SLC44A5: variants seen among roughly 807,000 people sequenced by gnomAD.
SLC44A5 encodes choline transporter-like protein 5.
SLC44A5 carries 57 observed loss-of-function variants against 101.8 expected under a neutral mutation model. That is an observed-to-expected ratio of 0.56 (90% CI 0.45 to 0.70). The LOEUF is 0.70. SLC44A5 is among the 30% of genes least tolerant of loss of function. The pLI is 0.00. For missense variants in SLC44A5, 737 were observed against 853.1 expected (o/e 0.86, Z 1.70); for synonymous variants, 281 against 290.9 (o/e 0.97, Z 0.35).
chr1:75,405,012 C>A (rs978979317), intron 2 of SLC44A5, among the ~76,000 whole-genome samples: 1 of 152,164 alleles, frequency 6.6e-6, no homozygotes, highest in Non-Finnish European at 1.5e-5. Flanking sequence ...ATTTATGAAG[C>A]AAATGGAAAG....
At chr1:75,629,365 C>T in the SLC44A5 span, among the ~76,000 whole-genome samples, 1 of 152,090 alleles carries the variant, frequency 6.6e-6, no homozygotes, top group East Asian at 1.9e-4. Context: ...TTCTTTAAAG[C>T]AAACAAAGAA....
the SLC44A5 span, among the ~76,000 whole-genome samples, chr1:75,717,040 A>G: frequency 6.6e-6 from 1 of 152,100 alleles, no homozygotes; most frequent in African/African-American, 2.4e-5. Context: ...TCTCCAAAAA[A>G]AAATAAAATA....
chr1:75,337,475 T>C (rs755288696), intron 4 of SLC44A5, among the ~76,000 whole-genome samples: 3 of 152,224 alleles, frequency 2.0e-5, no homozygotes, highest in Non-Finnish European at 4.4e-5. Context: ...TTTCATTTCT[T>C]AGTTTTCTAT....
intron 2 of SLC44A5, among the ~76,000 whole-genome samples, chr1:75,499,335 G>T (rs1014061769): frequency 6.6e-6 from 1 of 152,148 alleles, no homozygotes; most frequent in South Asian, 2.1e-4. Context: ...TAGATCCCTC[G>T]CACGTGCAGT....
At chr1:75,271,304 A>T (rs1206940032) in intron 6 of SLC44A5, among the ~76,000 whole-genome samples, 2 of 152,020 alleles carry the variant, frequency 1.3e-5, no homozygotes, top group East Asian at 1.9e-4. Flanking sequence ...ATTTTTAAAA[A>T]TGTTAATAGT....
chr1:75,658,842 T>A, the SLC44A5 span, among the ~76,000 whole-genome samples: 1 of 152,016 alleles, frequency 6.6e-6, no homozygotes, highest in Non-Finnish European at 1.5e-5. Context: ...GAAAATTTGG[T>A]TTTCTGAAAA....
At chr1:75,224,565 T>C (rs933834454) in intron 13 of SLC44A5, among the ~76,000 whole-genome samples, 1 of 150,508 alleles carries the variant, frequency 6.6e-6, no homozygotes, top group Non-Finnish European at 1.5e-5. Flanking sequence ...GGATAATGTA[T>C]GTATTTGTGT....
chr1:75,652,785 C>T, the SLC44A5 span, among the ~76,000 whole-genome samples: 2 of 152,126 alleles, frequency 1.3e-5, no homozygotes, highest in African/African-American at 4.8e-5. Flanking sequence ...CACAGTGAGA[C>T]CCTGTCTCTC....
chr1:75,272,332 T>G (rs1363026341), intron 6 of SLC44A5, among the ~76,000 whole-genome samples: 1 of 143,226 alleles, frequency 7.0e-6, no homozygotes, highest in Admixed American at 7.0e-5. Context: ...CCCATTTCTT[T>G]TTTTTTTTTT....
At chr1:75,543,020 T>C (rs1469033813) in intron 1 of SLC44A5, among the ~76,000 whole-genome samples, 4 of 152,150 alleles carry the variant, frequency 2.6e-5, no homozygotes, top group Non-Finnish European at 4.4e-5. Context: ...ATTATTCAAG[T>C]TTGACAATTA....
chr1:75,702,867 C>G, the SLC44A5 span, among the ~76,000 whole-genome samples: 1 of 152,186 alleles, frequency 6.6e-6, no homozygotes, highest in Non-Finnish European at 1.5e-5. Context: ...ACAGACACCT[C>G]TCAAAAGAAG....
In SLC44A5 at chr1:75,559,700, A is replaced by C. The variant is rs149705899; in HGVS notation, c.-69-18184T>G. Reference sequence around the variant, plus strand: ...ACTATATAACTTGGACTTCACTAAAAATTTTTAAATTTTGTGCTCCAAATG... The same window carrying C: ...ACTATATAACTTGGACTTCACTAAACATTTTTAAATTTTGTGCTCCAAATG... On this transcript the variant is annotated intron_variant, in intron 1 of 23. Transcript: ENST00000370859. 2.4e-3 allele frequency among the ~76,000 whole-genome samples: 361 copies of C among 152,270 alleles called. 3 individuals carry two copies. The highest frequency in any genetic ancestry group is 7.9e-3 in the African/African-American group (327 of 41,564).
At chr1:75,682,144 A>T in the SLC44A5 span, among the ~76,000 whole-genome samples, 2 of 152,242 alleles carry the variant, frequency 1.3e-5, no homozygotes, top group Non-Finnish European at 2.9e-5. Flanking sequence ...GCTCATGGGT[A>T]GGAAGAATCA....
At position 75,256,952 on chromosome 1, in the gene SLC44A5, T is replaced by C. The variant is rs1361723861; in HGVS notation, c.261-5658A>G. Among the ~76,000 whole-genome samples, 7 of 152,144 alleles carry C rather than the reference T, an allele frequency of 4.6e-5. No homozygotes were observed. The East Asian group carries it at 1.3e-3, about 29-fold the overall frequency. On this transcript the variant is annotated intron_variant, in intron 6 of 23. Coordinates refer to ENST00000370859, the MANE Select transcript of SLC44A5 (RefSeq NM_001130058.2). ...CATAGCAGACTGTCAGTGGATATTATCTAAACTTAATAAGCACAAAATAAA... is the reference window on the plus strand; with the variant it reads ...CATAGCAGACTGTCAGTGGATATTACCTAAACTTAATAAGCACAAAATAAA...
At chr1:75,384,095 C>A (rs1661117150) in intron 3 of SLC44A5, among the ~76,000 whole-genome samples, 1 of 151,822 alleles carries the variant, frequency 6.6e-6, no homozygotes, top group South Asian at 2.1e-4. Context: ...CCAGCCGCTG[C>A]AAAATCATGC....
At chr1:75,687,330 G>GTC in the SLC44A5 span, among the ~76,000 whole-genome samples, 1 of 152,040 alleles carries the variant, frequency 6.6e-6, no homozygotes, top group Admixed American at 6.5e-5. Context: ...TTCATACAGA[G>GTC]TCTCACTCTG....
At chr1:75,400,830 C>T (rs973243173) in intron 2 of SLC44A5, among the ~76,000 whole-genome samples, 1 of 152,220 alleles carries the variant, frequency 6.6e-6, no homozygotes, top group Non-Finnish European at 1.5e-5. Flanking sequence ...AGGCTCAGTG[C>T]CATGATGCTG....
intron 2 of SLC44A5, among the ~76,000 whole-genome samples, chr1:75,439,303 T>A (rs185389579): frequency 6.6e-6 from 1 of 152,254 alleles, no homozygotes; most frequent in East Asian, 1.9e-4. Context: ...CATGAGCCAA[T>A]AAATTTCTGT....
At chr1:75,325,757 T>C (rs1302311275) in intron 4 of SLC44A5, among the ~76,000 whole-genome samples, 4 of 32,202 alleles carry the variant, frequency 1.2e-4, no homozygotes, top group Admixed American at 9.1e-4. Context: ...TGTGCATGCA[T>C]GCGTGTGTGT....
Sources: allele counts gnomAD v4.1 joint callset (sites outside exome capture counted in the v4.1 genomes callset), GRCh38; gene constraint gnomAD v4.1.1; transcripts MANE v1.5; gene names NCBI Gene and HGNC (gene_info 2026-07-23, HGNC 2026-07-21).